CBFA2T3: variants seen among roughly 807,000 people sequenced by gnomAD.
CBFA2T3 encodes the protein transcriptional corepressor CBFA2T3.
A neutral mutation model predicts 58.6 loss-of-function variants in CBFA2T3; 31 were observed. The observed-to-expected ratio is 0.53, with a 90% confidence interval of 0.40 to 0.71. The LOEUF is 0.71. CBFA2T3 is among the 30% of genes least tolerant of loss of function. The pLI, the probability that CBFA2T3 is intolerant of heterozygous loss-of-function variation, is 0.00. For missense variants in CBFA2T3, 1,076 were observed against 963.1 expected (o/e 1.12, Z -1.55); for synonymous variants, 531 against 421.9 (o/e 1.26, Z -3.17).
intron 1 of CBFA2T3, among the ~76,000 whole-genome samples, chr16:88,951,855 G>T (rs944846432): frequency 6.6e-6 from 1 of 152,218 alleles, no homozygotes; most frequent in Non-Finnish European, 1.5e-5. Context: ...AGCGGCGGAG[G>T]GTGTGCTAAT....
intron 1 of CBFA2T3, among the ~76,000 whole-genome samples, chr16:88,908,572 A>G (rs1353186682): frequency 6.6e-6 from 1 of 152,170 alleles, no homozygotes; most frequent in African/African-American, 2.4e-5. Context: ...GGGGGCACCC[A>G]GCCCGCCCTG....
chr16:88,910,886 C>T (rs1183894428), intron 1 of CBFA2T3, among the ~76,000 whole-genome samples: 3 of 151,336 alleles, frequency 2.0e-5, no homozygotes, highest in South Asian at 2.1e-4. Context: ...CCTCCCCTGC[C>T]CCCAGCCCCC....
At chr16:88,943,211 G>A (rs2142817683) in intron 1 of CBFA2T3, among the ~76,000 whole-genome samples, 1 of 152,360 alleles carries the variant, frequency 6.6e-6, no homozygotes, top group South Asian at 2.1e-4. Flanking sequence ...GTCGGGTTGT[G>A]AGCTAAACAA....
At chr16:88,881,731 G>C (rs117071753) in intron 8 of CBFA2T3, 75 of 474,792 alleles carry the variant, frequency 1.6e-4, no homozygotes, top group Middle Eastern at 5.4e-4. Context: ...GCACGCAGGA[G>C]TTTGGGATTC....
intron 1 of CBFA2T3, among the ~76,000 whole-genome samples, chr16:88,972,497 A>C (rs1267938213): frequency 6.6e-6 from 1 of 152,014 alleles, no homozygotes; most frequent in Non-Finnish European, 1.5e-5. Flanking sequence ...ATCCTCCCTC[A>C]TGGAGCTGTC....
rs560041812 is a variant in CBFA2T3 at position 88,898,695 on chromosome 16, C to T, written c.305-543G>A. ...GGCTTGGAGTCTCTGAAACAAAGCC[C>T]TGGGTCGGCACTGGAGGAGGAAGCA... On this transcript the variant is annotated intron_variant, in intron 2 of 11. Transcript: ENST00000268679. 2.5e-3 allele frequency among the ~76,000 whole-genome samples: 375 copies of T among 152,302 alleles called. 1 individual carries two copies. Among genetic ancestry groups the T allele is most frequent in the Middle Eastern group, 0.01 (3 of 294 alleles).
rs555990942 is a variant in CBFA2T3 at position 88,915,384 on chromosome 16, A to G, written c.152-13728T>C. 6.7e-5 allele frequency among the ~76,000 whole-genome samples: 4 copies of G among 59,886 alleles called. No homozygotes were observed. The South Asian group carries it at 3.7e-3, about 56-fold the overall frequency. The allele number at this position is 59,886 out of a possible 152,430, so 39.3% of individuals were successfully genotyped here. A position where few individuals can be genotyped will look rare whatever the true frequency, so the allele number is the denominator to read the frequency against. On this transcript the variant is annotated intron_variant, in intron 1 of 11. Coordinates refer to ENST00000268679, the MANE Select transcript of CBFA2T3 (RefSeq NM_005187.6). The stretch of plus-strand genomic sequence containing the variant: ...GGACAGCTCCTTCAGGAGCTCCACA[A>G]GCAGCATGGAGGGGGGAGCGTGGAG...
chr16:88,895,490 G>A (rs757070508), intron 3 of CBFA2T3, among the ~76,000 whole-genome samples: 13 of 152,224 alleles, frequency 8.5e-5, no homozygotes, highest in Non-Finnish European at 1.5e-4. Flanking sequence ...AAGACACACA[G>A]CAGGGCAGCC....
chr16:88,955,405 T>C (rs1477261975), intron 1 of CBFA2T3, among the ~76,000 whole-genome samples: 33 of 1,288 alleles, frequency 0.026, no homozygotes, highest in African/African-American at 0.03. Flanking sequence ...CTCCTGACCC[T>C]ACCCAAGGCT....
intron 1 of CBFA2T3, among the ~76,000 whole-genome samples, chr16:88,922,417 T>G (rs1300077825): frequency 6.6e-6 from 1 of 152,234 alleles, no homozygotes; most frequent in Non-Finnish European, 1.5e-5. Context: ...ACTCACCATG[T>G]CTGCCCCGGG....
chr16:88,889,910 C>A (rs1160107599), intron 5 of CBFA2T3, among the ~76,000 whole-genome samples: 1 of 137,356 alleles, frequency 7.3e-6, no homozygotes, highest in Non-Finnish European at 1.5e-5. Context: ...TCAGGGACGA[C>A]GCCCCGCGAT....
At chr16:88,954,338 C>G (rs1477335075) in intron 1 of CBFA2T3, among the ~76,000 whole-genome samples, 1 of 146,354 alleles carries the variant, frequency 6.8e-6, no homozygotes, top group Non-Finnish European at 1.5e-5. Context: ...AGGCTCCTGA[C>G]CCCAGCCAAG....
In CBFA2T3 at chr16:88,920,841, A is replaced by AGGC; in HGVS notation, c.152-19188_152-19186dup. On this transcript the variant is annotated intron_variant, in intron 1 of 11. Transcript: ENST00000268679. ...GTCTTCCTCCAGCCAGGCCCACCTG[A>AGGC]GGCTGCCTCCCGCCCTCCTGGAGGC... Among the ~76,000 whole-genome samples, 3 of 152,290 alleles carry AGGC rather than the reference A, an allele frequency of 2.0e-5. No individual in the cohort carries two copies. The Middle Eastern group carries it at 0.01, about 518-fold the overall frequency.
At chr16:88,929,844 C>T (rs1971225766) in intron 1 of CBFA2T3, among the ~76,000 whole-genome samples, 1 of 150,894 alleles carries the variant, frequency 6.6e-6, no homozygotes, top group Non-Finnish European at 1.5e-5. Context: ...CTGCATCATC[C>T]ACGCAAAAGC....
chr16:88,876,754 T>G lies in CBFA2T3; in HGVS notation c.*222A>C. ...GTCAGGAGGTCTCCGCGCGGAATCA[T>G]TAGGTAGCTGAGGCAGGTGCACTGA... On this transcript the variant is annotated 3_prime_UTR_variant, in exon 12 of 12. Transcript: ENST00000268679. The G allele has an allele frequency of 1.3e-5, 6 of 470,816 alleles. No individual in the cohort carries two copies. The highest frequency in any genetic ancestry group is 1.1e-4 in the East Asian group (3 of 28,320). 29.2% of individuals were successfully genotyped at this position (470,816 alleles called of 1,614,324 possible).
rs1247061961 is a variant in CBFA2T3, at chr16:88,875,174, A to G, written c.*1802T>C. The stretch of plus-strand genomic sequence containing the variant: ...GCACACAGATGCCAGGCCACGGGCC[A>G]CACCACGCACACAGATGCCAAGCCA... On this transcript the variant is annotated 3_prime_UTR_variant, in exon 12 of 12. Transcript: ENST00000268679. 4 of 233,690 alleles carry G rather than the reference A, an allele frequency of 1.7e-5. No individual in the cohort carries two copies. Among genetic ancestry groups the G allele is most frequent in the Non-Finnish European group, 3.4e-5 (4 of 118,882 alleles). The allele number at this position is 233,690 out of a possible 1,614,324, so 14.5% of individuals were successfully genotyped here.
At chr16:88,933,318 C>G (rs1249849932) in intron 1 of CBFA2T3, among the ~76,000 whole-genome samples, 3 of 140,190 alleles carry the variant, frequency 2.1e-5, no homozygotes, top group East Asian at 2.2e-4. Context: ...ACGCCTCACA[C>G]GCCTCACAGT....
Position 88,875,810 on chromosome 16 carries a change from C to CT in CBFA2T3, c.*1165dup, listed in dbSNP as rs1968811118. Reference sequence around the variant, plus strand: ...TCTCTCTGGGAAGAAAACTTTAGCACTTTTTTTCCACAAGTGGAAAACGGA... The same window carrying CT: ...TCTCTCTGGGAAGAAAACTTTAGCACTTTTTTTTCCACAAGTGGAAAACGGA... On this transcript the variant is annotated 3_prime_UTR_variant, in exon 12 of 12. Transcript: ENST00000268679. The CT allele has an allele frequency of 4.3e-6, 1 of 233,506 alleles. No homozygotes were observed. The highest frequency in any genetic ancestry group is 8.5e-6 in the Non-Finnish European group (1 of 118,012). The allele number at this position is 233,506 out of a possible 1,614,324, so 14.5% of individuals were successfully genotyped here.
chr16:88,900,249 C>T (rs952459938), intron 2 of CBFA2T3, among the ~76,000 whole-genome samples: 1 of 152,258 alleles, frequency 6.6e-6, no homozygotes, highest in Non-Finnish European at 1.5e-5. Flanking sequence ...CTGGGCGGCA[C>T]ACCTGGGGGC....
Sources: gnomAD v4.1 joint callset for allele counts (sites outside exome capture counted in the v4.1 genomes callset) on GRCh38, gnomAD v4.1.1 for gene constraint, MANE v1.5 for transcripts, NCBI Gene and HGNC (gene_info 2026-07-23, HGNC 2026-07-21) for gene names.